The following HIVEP1 variants were observed in gnomAD, a reference collection of about 807,000 sequenced individuals.
HIVEP1 encodes the protein HIVEP zinc finger 1.
A neutral mutation model predicts 180.0 loss-of-function variants in HIVEP1; 36 were observed. The ratio of observed to expected loss-of-function variants is 0.20; its 90% CI spans 0.15 to 0.26. HIVEP1 has a LOEUF of 0.26. HIVEP1 is among the 10% of genes least tolerant of loss of function. The pLI is 1.00. For missense variants in HIVEP1, 3,143 were observed against 3,268.7 expected (o/e 0.96, Z 0.94); for synonymous variants, 1,239 against 1,239.0 (o/e 1.00, Z 0.00).
intron 2 of HIVEP1, among the ~76,000 whole-genome samples, chr6:12,017,881 G>T (rs777916051): frequency 7.2e-5 from 11 of 152,220 alleles, no homozygotes; most frequent in Non-Finnish European, 1.6e-4. Flanking sequence ...AGTGGATCCC[G>T]CACTGGGGCC....
rs901826640 is a variant in HIVEP1, at chr6:12,013,211, C to T, written c.-104+645C>T. 7.9e-5 allele frequency among the ~76,000 whole-genome samples: 12 copies of T among 152,334 alleles called. 1 individual carries two copies. The South Asian group carries it at 2.3e-3, about 29-fold the overall frequency. ...CTTCCTGAGCTGGCACTTCCATTCC[C>T]CCCCTCCTCCTGGCATGCGAAGCGC... On this transcript the variant is annotated intron_variant, in intron 1 of 8. Coordinates refer to ENST00000379388, the MANE Select transcript of HIVEP1 (RefSeq NM_002114.4).
chr6:12,017,405 C>T (rs1396231440), intron 2 of HIVEP1, among the ~76,000 whole-genome samples: 2 of 152,246 alleles, frequency 1.3e-5, no homozygotes, highest in African/African-American at 2.4e-5. Flanking sequence ...AGGAGTGAAG[C>T]TGCACACCTT....
chr6:12,176,724 T>C, the HIVEP1 span, among the ~76,000 whole-genome samples: 1 of 152,212 alleles, frequency 6.6e-6, no homozygotes, highest in African/African-American at 2.4e-5. Context: ...TTACAGATGC[T>C]GGATATTAGA....
Position 12,164,434 on chromosome 6 carries a change from C to G in HIVEP1, c.8130C>G (p.Asp2710Glu), listed in dbSNP as rs372669733. The G allele has an allele frequency of 6.2e-7, 1 of 1,611,444 alleles. No individual in the cohort carries two copies. The highest frequency in any genetic ancestry group is 8.5e-7 in the Non-Finnish European group (1 of 1,179,128). ...TCAGCGACGTGAGCAGCGATGATGA[C>G]GAGGACAGGCTTGTGATAGCAACCT... ...VHFSDVSSDD[D>E]EDRLVIAT is the part of the protein sequence containing the mutation. The change falls in exon 9 of 9, where the codon GAC becomes GAG. Residue 2710 changes from aspartate to glutamate, a missense_variant. Physicochemically the swap from Asp to Glu is conservative, Grantham distance 45. This residue lies in a region of HIVEP1 where 11 missense variants were observed against 24.0 expected (regional missense o/e 0.46). Transcript: ENST00000379388.
chr6:12,066,865 A>G lies in HIVEP1; in HGVS notation c.41-22319A>G, dbSNP rs967667946. Reference sequence around the variant, plus strand: ...TGGTGGATATATTTCAAACAAAGACACTGTGTGTGTGTGTGTGTATATATA... The same window carrying G: ...TGGTGGATATATTTCAAACAAAGACGCTGTGTGTGTGTGTGTGTATATATA... On this transcript the variant is annotated intron_variant, in intron 2 of 8. Transcript: ENST00000379388. Among the ~76,000 whole-genome samples the G allele has an allele frequency of 1.3e-3, 111 of 83,784 alleles. 1 individual carries two copies. Among genetic ancestry groups the G allele is most frequent in the Non-Finnish European group, 1.7e-3 (62 of 37,152 alleles). 55.0% of individuals were successfully genotyped at this position (83,784 alleles called of 152,430 possible).
At chr6:12,093,042 A>T (rs757718920) in intron 3 of HIVEP1, among the ~76,000 whole-genome samples, 12 of 152,214 alleles carry the variant, frequency 7.9e-5, no homozygotes, top group Non-Finnish European at 1.8e-4. Context: ...AAAAGTAGCT[A>T]TTTTTTACAA....
chr6:12,010,665 C>G (rs1767228043), upstream of HIVEP1, among the ~76,000 whole-genome samples: 1 of 151,922 alleles, frequency 6.6e-6, no homozygotes, highest in Admixed American at 6.6e-5. Context: ...TTGAGGTGGC[C>G]CGTTAAACCA....
rs928876044 is a variant in HIVEP1, at chr6:12,122,567, A to G, written c.2772A>G (p.Gln924=). The part of the protein sequence containing the change: ...GTGQSLDESH[Q]GCHAAGEAMS... Reference sequence around the variant, plus strand: ...GACAGTCCCTGGATGAGAGCCACCAAGGATGCCATGCTGCTGGTGAAGCCA... The same window carrying G: ...GACAGTCCCTGGATGAGAGCCACCAGGGATGCCATGCTGCTGGTGAAGCCA... Residue 924 remains glutamine (Q), a synonymous_variant, in exon 4 of 9, where the codon CAA becomes CAG. Coordinates refer to ENST00000379388, the MANE Select transcript of HIVEP1 (RefSeq NM_002114.4). The G allele has an allele frequency of 5.0e-6, 8 of 1,614,224 alleles. No individual in the cohort carries two copies. Among genetic ancestry groups the G allele is most frequent in the Non-Finnish European group, 6.8e-6 (8 of 1,180,032 alleles).
At chr6:12,090,041 T>A (rs1561929140) in intron 3 of HIVEP1, among the ~76,000 whole-genome samples, 2 of 152,046 alleles carry the variant, frequency 1.3e-5, no homozygotes, top group African/African-American at 4.8e-5. Flanking sequence ...ATTAAAAACT[T>A]GAAAGGAAAA....
the HIVEP1 span, among the ~76,000 whole-genome samples, chr6:12,196,120 G>T: frequency 2.0e-5 from 3 of 152,182 alleles, no homozygotes; most frequent in African/African-American, 7.2e-5. Flanking sequence ...TGTGGCAAGG[G>T]GCCCTGTCCT....
upstream of HIVEP1, among the ~76,000 whole-genome samples, chr6:12,010,934 C>G (rs1767242377): frequency 6.6e-6 from 1 of 152,170 alleles, no homozygotes; most frequent in Non-Finnish European, 1.5e-5. Context: ...CCCCGCACCC[C>G]CCTTTTCTGT....
intron 2 of HIVEP1, among the ~76,000 whole-genome samples, chr6:12,052,432 G>A (rs1488549760): frequency 2.6e-5 from 4 of 152,180 alleles, no homozygotes; most frequent in Non-Finnish European, 4.4e-5. Context: ...ACATGAAACT[G>A]TTACAATAGT....
At chr6:12,074,527 A>G (rs964376608) in intron 2 of HIVEP1, among the ~76,000 whole-genome samples, 5 of 152,128 alleles carry the variant, frequency 3.3e-5, no homozygotes, top group Admixed American at 6.6e-5. Flanking sequence ...CAGTGCAAGA[A>G]TAATGATAGT....
chr6:12,109,053 T>C (rs924771247), intron 3 of HIVEP1, among the ~76,000 whole-genome samples: 5 of 152,290 alleles, frequency 3.3e-5, no homozygotes, highest in South Asian at 4.1e-4. Context: ...GATCTTGGCT[T>C]ACTGCAAGCT....
At position 12,125,473 on chromosome 6, in the gene HIVEP1, A is replaced by G. The variant is rs1467894368; in HGVS notation, c.5678A>G (p.Gln1893Arg). 2 of 1,614,102 alleles carry G rather than the reference A, an allele frequency of 1.2e-6. No homozygotes were observed. Among genetic ancestry groups the G allele is most frequent in the Admixed American group, 3.3e-5 (2 of 60,006 alleles). The change falls in exon 4 of 9, where the codon CAA (glutamine) becomes CGA (arginine). Residue 1893 changes from glutamine to arginine, a missense_variant. Transcript: ENST00000379388. Reference protein sequence around the residue: ...ISPLKCTDNNQERKSPGVKNQ... With the variant: ...ISPLKCTDNNRERKSPGVKNQ... ...CCTTTGAAATGTACAGACAATAACC[A>G]AGAAAGGAAGTCTCCAGGGGTTAAA... is the stretch of plus-strand genomic sequence containing the variant.
intron 2 of HIVEP1, among the ~76,000 whole-genome samples, chr6:12,086,017 T>C (rs924004761): frequency 8.5e-5 from 13 of 152,170 alleles, no homozygotes; most frequent in African/African-American, 3.1e-4. Context: ...TACACAAAAT[T>C]TTTAATTTAA....
Position 12,088,503 on chromosome 6 carries a change from C to T in HIVEP1, c.41-681C>T, listed in dbSNP as rs186879969. ...CACATATTTACAAAATCCAGTTGTG[C>T]CCAGAGCCCCAGGTCAAAGAACAGC... On this transcript the variant is annotated intron_variant, in intron 2 of 8. Coordinates refer to ENST00000379388, the MANE Select transcript of HIVEP1 (RefSeq NM_002114.4). Among the ~76,000 whole-genome samples the T allele has an allele frequency of 3.9e-5, 6 of 152,132 alleles. No individual in the cohort carries two copies. The East Asian group carries it at 7.7e-4, about 20-fold the overall frequency.
At chr6:12,103,119 C>T (rs571750059) in intron 3 of HIVEP1, among the ~76,000 whole-genome samples, 308 of 151,580 alleles carry the variant, frequency 2.0e-3, no homozygotes, top group African/African-American at 6.9e-3. Context: ...AATATACATG[C>T]TGAAATAGTG....
chr6:12,145,160 C>G (rs1321245621), intron 7 of HIVEP1, among the ~76,000 whole-genome samples: 1 of 152,118 alleles, frequency 6.6e-6, no homozygotes, highest in Admixed American at 6.6e-5. Context: ...GAAAATGTGG[C>G]ACATATTTAC....
Sources: gnomAD v4.1 joint callset for allele counts (sites outside exome capture counted in the v4.1 genomes callset) on GRCh38, gnomAD v4.1.1 for gene constraint, gnomAD v4.1.1 regional missense constraint, MANE v1.5 for transcripts, NCBI Gene and HGNC (gene_info 2026-07-23, HGNC 2026-07-21) for gene names.